Variants in MBNL1 observed in about 807,000 individuals in gnomAD.
The protein encoded by MBNL1 is muscleblind-like protein 1.
A neutral mutation model predicts 42.2 loss-of-function variants in MBNL1; 8 were observed. The observed-to-expected ratio is 0.19, with a 90% CI of 0.11 to 0.34. The LOEUF (loss-of-function observed/expected upper bound fraction) is 0.34, where lower values mean the gene tolerates loss of function less well. MBNL1 is among the 10% of genes least tolerant of loss of function. MBNL1 has a pLI of 1.00. For missense variants in MBNL1, 309 were observed against 495.3 expected, an observed-to-expected ratio of 0.62 and a Z score of 3.57; for synonymous variants, 169 against 173.9, an observed-to-expected ratio of 0.97 and a Z score of 0.22.
intron 2 of MBNL1, among the ~76,000 whole-genome samples, chr3:152,351,275 A>G (rs2094946482): frequency 6.6e-6 from 1 of 152,196 alleles, no homozygotes; most frequent in African/African-American, 2.4e-5. Flanking sequence ...GGTTTATACC[A>G]CTATGTCAAA....
chr3:152,262,647 A>G lies in MBNL1; in HGVS notation n.333+18207A>G, dbSNP rs2036495309. ...TTCATATTTGTTTTCTATATGGAAC[A>G]GTGTTACTACGTAGAAATGTTTGGG... On this transcript the variant is annotated intron_variant and non_coding_transcript_variant, in intron 2 of 2. Transcript: ENST00000477171. The G allele has an allele frequency of 2.6e-5, 4 of 152,238 alleles. No individual in the cohort carries two copies. The South Asian group carries it at 8.3e-4, about 32-fold the overall frequency. The allele number at this position is 152,238 out of a possible 1,614,324, so 9.4% of individuals were successfully genotyped here.
At chr3:152,364,234 G>A (rs1303930493) in intron 2 of MBNL1, among the ~76,000 whole-genome samples, 1 of 151,992 alleles carries the variant, frequency 6.6e-6, no homozygotes, top group Non-Finnish European at 1.5e-5. Flanking sequence ...ATTTAGCGGT[G>A]CCTACATCTT....
intron 2 of MBNL1, among the ~76,000 whole-genome samples, chr3:152,331,075 T>A (rs2084093150): frequency 6.6e-6 from 1 of 151,800 alleles, no homozygotes; most frequent in Non-Finnish European, 1.5e-5. Context: ...AAAAATCTCT[T>A]TTTCTCCTTT....
intron 4 of MBNL1, among the ~76,000 whole-genome samples, chr3:152,437,371 T>A (rs2099092271): frequency 6.6e-6 from 1 of 152,218 alleles, no homozygotes; most frequent in Non-Finnish European, 1.5e-5. Context: ...CAGCACCCAG[T>A]GTGATACTAC....
intron 1 of MBNL1, among the ~76,000 whole-genome samples, chr3:152,271,322 GA>G (rs72111160): frequency 8.2e-4 from 123 of 150,082 alleles, no homozygotes; most frequent in Admixed American, 2.4e-3. Flanking sequence ...TCTCCTGGGG[GA>G]AAAAAAAAGA....
intron 4 of MBNL1, among the ~76,000 whole-genome samples, chr3:152,435,182 T>A (rs2099062017): frequency 6.6e-6 from 1 of 152,228 alleles, no homozygotes; most frequent in African/African-American, 2.4e-5. Context: ...GGTTTTACAT[T>A]TAAGCCTTTA....
intron 2 of MBNL1, among the ~76,000 whole-genome samples, chr3:152,404,746 AAT>A (rs1296323687): frequency 4.4e-4 from 66 of 149,616 alleles, no homozygotes; most frequent in Admixed American, 1.3e-4. Context: ...TTCATTATAT[AAT>A]AGTTTTTAAA....
chr3:152,460,210 C>T (rs557516429), intron 9 of MBNL1, among the ~76,000 whole-genome samples: 9 of 150,986 alleles, frequency 6.0e-5, no homozygotes, highest in South Asian at 4.2e-4. Flanking sequence ...GCTGTGATTG[C>T]GCCACTGCAC....
chr3:152,440,263 A>G (rs1257361134), intron 4 of MBNL1, among the ~76,000 whole-genome samples: 1 of 152,208 alleles, frequency 6.6e-6, no homozygotes, highest in Non-Finnish European at 1.5e-5. Flanking sequence ...AATATGTACA[A>G]TTATTGAATA....
At chr3:152,281,611 A>G (rs1030523449) in intron 1 of MBNL1, among the ~76,000 whole-genome samples, 36 of 152,040 alleles carry the variant, frequency 2.4e-4, no homozygotes, top group Admixed American at 2.0e-3. Context: ...CTACTTTTAG[A>G]CTCAAAATCA....
intron 1 of MBNL1, among the ~76,000 whole-genome samples, chr3:152,282,950 C>T (rs936647756): frequency 1.3e-5 from 2 of 152,146 alleles, no homozygotes; most frequent in Non-Finnish European, 2.9e-5. Context: ...CCAGTTTTGC[C>T]ACTCACTATG....
chr3:152,312,179 G>A (rs2067044002), intron 2 of MBNL1, among the ~76,000 whole-genome samples: 2 of 134,570 alleles, frequency 1.5e-5, no homozygotes, highest in South Asian at 2.3e-4. Context: ...GCGACAGAGC[G>A]AGACTCCGTC....
chr3:152,248,766 C>G (rs544360733), intron 2 of MBNL1, among the ~76,000 whole-genome samples: 64 of 151,990 alleles, frequency 4.2e-4, no homozygotes, highest in African/African-American at 1.3e-3. Flanking sequence ...ATCCCTCCCC[C>G]CTTCCCCCAC....
intron 2 of MBNL1, among the ~76,000 whole-genome samples, chr3:152,369,097 G>C (rs180851386): frequency 3.5e-4 from 53 of 152,236 alleles, no homozygotes; most frequent in African/African-American, 1.3e-3. Context: ...CCAGTATTCA[G>C]AGGGAATGCT....
chr3:152,277,210 G>A lies in MBNL1; in HGVS notation c.-790+8118G>A, dbSNP rs142167895. Among the ~76,000 whole-genome samples, 3 of 152,232 alleles carry A rather than the reference G, an allele frequency of 2.0e-5. No individual in the cohort carries two copies. In the East Asian group the frequency reaches 5.8e-4, roughly 29 times the overall value. On this transcript the variant is annotated intron_variant, in intron 1 of 9. Transcript: ENST00000324210. Reference sequence around the variant, plus strand: ...CTGTGCTAAGCTCTTTCAAAGCACTGGATGGTGATCTAAAGGTCACCAAAT... The same window carrying A: ...CTGTGCTAAGCTCTTTCAAAGCACTAGATGGTGATCTAAAGGTCACCAAAT...
At chr3:152,426,686 C>T (rs1308242298) in intron 3 of MBNL1, among the ~76,000 whole-genome samples, 1 of 152,152 alleles carries the variant, frequency 6.6e-6, no homozygotes, top group Non-Finnish European at 1.5e-5. Flanking sequence ...CCTGTGATCC[C>T]AAAGTTAACC....
At chr3:152,312,428 A>C (rs188267829) in intron 2 of MBNL1, among the ~76,000 whole-genome samples, 1 of 152,312 alleles carries the variant, frequency 6.6e-6, no homozygotes, top group Non-Finnish European at 1.5e-5. Flanking sequence ...CAGACAGCCA[A>C]TTAGAAATAT....
intron 2 of MBNL1, among the ~76,000 whole-genome samples, chr3:152,251,610 T>G (rs2034546044): frequency 6.6e-6 from 1 of 152,114 alleles, no homozygotes; most frequent in South Asian, 2.1e-4. Context: ...TTTTTTCATT[T>G]TAATAAAGTG....
upstream of MBNL1, chr3:152,267,551 T>C (rs1429167394): frequency 1.3e-5 from 2 of 152,230 alleles, no homozygotes; most frequent in African/African-American, 4.8e-5. Flanking sequence ...AATGGGCAGA[T>C]AGAAAGTTCC....
Sources: allele counts gnomAD v4.1 joint callset (sites outside exome capture counted in the v4.1 genomes callset), GRCh38; gene constraint gnomAD v4.1.1; transcripts MANE v1.5; gene names NCBI Gene and HGNC (gene_info 2026-07-23, HGNC 2026-07-21).